EP300: variants seen among roughly 807,000 people sequenced by gnomAD.
EP300 encodes the protein histone acetyltransferase p300.
A neutral mutation model predicts 264.0 loss-of-function variants in EP300; 31 were observed. The ratio of observed to expected loss-of-function variants is 0.12; its 90% confidence interval spans 0.09 to 0.16. The LOEUF (loss-of-function observed/expected upper bound fraction) is 0.16, where lower values mean the gene tolerates loss of function less well. EP300 is among the 10% of genes least tolerant of loss of function. EP300 has a pLI of 1.00. For synonymous variants in EP300, 1,340 were observed against 1,045.4 expected (o/e 1.28, Z -5.44); for missense variants, 2,766 against 3,052.9 (o/e 0.91, Z 2.21).
Position 41,116,867 on chromosome 22 carries a change from C to T in EP300, c.95-320C>T, listed in dbSNP as rs529460822. On this transcript the variant is annotated intron_variant, in intron 1 of 30. Transcript: ENST00000263253. ...CTTCAGCTCAGGAGTGTAAGACCAG[C>T]CAGGTCAACATGGCAAGCTCCGCCT... is the stretch of plus-strand genomic sequence containing the variant. Among the ~76,000 whole-genome samples, 10 of 152,220 alleles carry T rather than the reference C, an allele frequency of 6.6e-5. No individual in the cohort carries two copies. The South Asian group carries it at 1.7e-3, about 25-fold the overall frequency.
At chr22:41,126,761 T>TTTTTTTTA (rs2058885138) in intron 3 of EP300, among the ~76,000 whole-genome samples, 1 of 110,666 alleles carries the variant, frequency 9.0e-6, no homozygotes, top group Admixed American at 9.9e-5. Context: ...TTTTTTTTTT[T>TTTTTTTTA]GAGACGGAGT....
In EP300 at chr22:41,165,321, A is replaced by T. The variant is rs997963889; in HGVS notation, c.3806+1191A>T. Among the ~76,000 whole-genome samples, 3 of 152,224 alleles carry T rather than the reference A, an allele frequency of 2.0e-5. No individual in the cohort carries two copies. In the East Asian group the frequency reaches 5.8e-4, roughly 29 times the overall value. On this transcript the variant is annotated intron_variant, in intron 22 of 30. Coordinates refer to ENST00000263253, the MANE Select transcript of EP300 (RefSeq NM_001429.4). The stretch of plus-strand genomic sequence containing the variant: ...ATGTTCATTATAAAATTTGAATAGT[A>T]TGACAGTTTATGAAGTAAAAAGCGA...
chr22:41,146,941 G>A (rs904131996), intron 11 of EP300, 125 bp downstream of exon 11: 4 of 845,176 alleles, frequency 4.7e-6, no homozygotes, highest in Non-Finnish European at 5.8e-6. Flanking sequence ...CATAGAGGAA[G>A]AGGGGGTGAA....
rs553654167 is a variant in EP300 at position 41,167,871 on chromosome 22, G to A, written c.3875-578G>A. Among the ~76,000 whole-genome samples the A allele has an allele frequency of 1.0e-4, 11 of 107,036 alleles. No homozygotes were observed. In the South Asian group the frequency reaches 2.4e-3, roughly 23 times the overall value. The allele number at this position is 107,036 out of a possible 152,430, so 70.2% of individuals were successfully genotyped here. Reference sequence around the variant, plus strand: ...TTTTTTGAGACAGAGTCTCGCTGTCGCCCATAGTGGCGCAGTCTCAGCTCA... The same window carrying A: ...TTTTTTGAGACAGAGTCTCGCTGTCACCCATAGTGGCGCAGTCTCAGCTCA... On this transcript the variant is annotated intron_variant, in intron 23 of 30. Coordinates refer to ENST00000263253, the MANE Select transcript of EP300 (RefSeq NM_001429.4).
At chr22:41,145,039 A>G (rs1428157987) in intron 10 of EP300, among the ~76,000 whole-genome samples, 1 of 152,182 alleles carries the variant, frequency 6.6e-6, no homozygotes, top group Non-Finnish European at 1.5e-5. Context: ...TGTTTTGGGT[A>G]CTTAAAACAG....
chr22:41,160,584 C>G (rs2145752138), intron 19 of EP300, 58 bp from the exon 20 acceptor site: 1 of 1,566,720 alleles, frequency 6.4e-7, no homozygotes, highest in Non-Finnish European at 8.8e-7. Flanking sequence ...CGTTGCTTGG[C>G]TTGGGCTGTG....
At chr22:41,154,376 CTTTTTT>C (rs869304891) in intron 16 of EP300, among the ~76,000 whole-genome samples, 8 of 61,792 alleles carry the variant, frequency 1.3e-4, no homozygotes, top group East Asian at 5.6e-4. Flanking sequence ...CTTGTGCACT[CTTTTTT>C]TTTTTTTTTT....
intron 8 of EP300, among the ~76,000 whole-genome samples, chr22:41,139,666 T>C (rs2058970817): frequency 6.6e-6 from 1 of 152,232 alleles, no homozygotes; most frequent in Non-Finnish European, 1.5e-5. Flanking sequence ...TCATTACGCA[T>C]TTCTGGTCTG....
In EP300 at chr22:41,178,371, A is replaced by G. The variant is rs886038484; in HGVS notation, c.6660A>G (p.Pro2220=). The G allele has an allele frequency of 1.9e-6, 3 of 1,614,040 alleles. No individual in the cohort carries two copies. The highest frequency in any genetic ancestry group is 1.1e-5 in the South Asian group (1 of 91,078). ...QFQQPQGVGY[P]PQQQQRMQHH... ...AGCAACCCCAAGGAGTTGGCTACCC[A>G]CCACAGCAGCAGCAGCGGATGCAGC... Residue 2220 remains proline, a synonymous_variant, in exon 31 of 31, where the codon CCA becomes CCG. Coordinates refer to ENST00000263253, the MANE Select transcript of EP300 (RefSeq NM_001429.4).
rs550639634 is a variant in EP300, at chr22:41,176,090, T to TG, written c.4780-154dup. 3.3e-4 allele frequency: 258 copies of TG among 791,764 alleles called. 1 individual carries two copies. The highest frequency in any genetic ancestry group is 5.0e-4 in the Non-Finnish European group (243 of 482,980). 49.0% of individuals were successfully genotyped at this position (791,764 alleles called of 1,614,324 possible). On this transcript the variant is annotated intron_variant, in intron 29 of 30. Transcript: ENST00000263253. The stretch of plus-strand genomic sequence containing the variant: ...CAGAAATTAGCCAGGTGTGGTGGTG[T>TG]GGGCCTGTGGTCTCAGCTATTCAGG...
At chr22:41,159,217 T>C (rs1031794611) in intron 19 of EP300, 1 of 152,394 alleles carries the variant, frequency 6.6e-6, no homozygotes, top group Admixed American at 6.5e-5. Context: ...GGGGCTCTGA[T>C]ACAATAATAA....
intron 10 of EP300, among the ~76,000 whole-genome samples, chr22:41,145,006 C>T (rs938965655): frequency 2.0e-5 from 3 of 152,162 alleles, no homozygotes; most frequent in South Asian, 2.1e-4. Context: ...TTTCTCTCCA[C>T]TTCAGTCCTC....
intron 14 of EP300, among the ~76,000 whole-genome samples, chr22:41,151,085 GCTT>G (rs1384153207): frequency 2.0e-5 from 3 of 151,954 alleles, no homozygotes; most frequent in Non-Finnish European, 4.4e-5. Flanking sequence ...GGGTTTAGAA[GCTT>G]CTACTTTGAT....
At chr22:41,173,879 A>G (rs1342910918) in intron 29 of EP300, 95 bp downstream of exon 29, 1 of 1,475,334 alleles carries the variant, frequency 6.8e-7, no homozygotes, top group Admixed American at 1.7e-5. Flanking sequence ...TGGGAGGCCA[A>G]GGCGGGTGGA....
intron 2 of EP300, among the ~76,000 whole-genome samples, chr22:41,120,293 C>T (rs942448567): frequency 1.3e-5 from 2 of 152,128 alleles, no homozygotes; most frequent in Non-Finnish European, 2.9e-5. Flanking sequence ...CCAGCCCCAG[C>T]AACATAGTGA....
rs1317964786 is a variant in EP300, at chr22:41,126,350, G to A, written c.906+310G>A. The A allele has an allele frequency of 3.2e-5, 9 of 280,536 alleles. 1 individual carries two copies. Among genetic ancestry groups the A allele is most frequent in the East Asian group, 3.0e-4 (4 of 13,522 alleles). 17.4% of individuals were successfully genotyped at this position (280,536 alleles called of 1,614,324 possible). A position where few individuals can be genotyped will look rare whatever the true frequency, so the allele number is the denominator to read the frequency against. On this transcript the variant is annotated intron_variant, in intron 3 of 30. Transcript: ENST00000263253. ...GAGCGTTTCCATACGATACGAAAGCGGAACCTTTCACTTTTGGGGGAAGGA... is the reference window on the plus strand; with the variant it reads ...GAGCGTTTCCATACGATACGAAAGCAGAACCTTTCACTTTTGGGGGAAGGA...
Position 41,177,448 on chromosome 22 carries a change from A to G in EP300, c.5737A>G (p.Thr1913Ala), listed in dbSNP as rs955248478. ...GGTGACCCCTCCAACCCCTCCTCAG[A>G]CTGCTCAGCCACCCCTTCCAGGGCC... ...GQVTPPTPPQ[T>A]AQPPLPGPPP... The change falls in exon 31 of 31, where the codon ACT becomes GCT. Residue 1913 changes from threonine to alanine, a missense_variant. Transcript: ENST00000263253. 1 of 1,614,042 alleles carries G rather than the reference A, an allele frequency of 6.2e-7. No homozygotes were observed. Among genetic ancestry groups the G allele is most frequent in the South Asian group, 1.1e-5 (1 of 91,062 alleles).
chr22:41,105,045 A>G (rs2058750872), intron 1 of EP300, among the ~76,000 whole-genome samples: 1 of 151,652 alleles, frequency 6.6e-6, no homozygotes, highest in Non-Finnish European at 1.5e-5. Context: ...AAATACAGAA[A>G]AATTAGCCGG....
chr22:41,140,988 T>G, intron 9 of EP300, 60 bp from the exon 10 acceptor site: 1 of 1,501,696 alleles, frequency 6.7e-7, no homozygotes, highest in Non-Finnish European at 9.2e-7. Context: ...ATTTTTTCTG[T>G]TACCTGGTGG....
Sources: allele counts gnomAD v4.1 joint callset (sites outside exome capture counted in the v4.1 genomes callset), GRCh38; gene constraint gnomAD v4.1.1; transcripts MANE v1.5; gene names NCBI Gene and HGNC (gene_info 2026-07-23, HGNC 2026-07-21).